CBFA2T3: variants seen among roughly 807,000 people sequenced by gnomAD.
The protein encoded by CBFA2T3 is transcriptional corepressor CBFA2T3.
A neutral mutation model predicts 58.6 loss-of-function variants in CBFA2T3; 31 were observed. The ratio of observed to expected loss-of-function variants is 0.53; its 90% CI spans 0.40 to 0.71. CBFA2T3 has a LOEUF of 0.71. CBFA2T3 is among the 30% of genes least tolerant of loss of function. CBFA2T3 has a pLI of 0.00. For synonymous variants in CBFA2T3, 531 were observed against 421.9 expected (o/e 1.26, Z -3.17); for missense variants, 1,076 against 963.1 (o/e 1.12, Z -1.55).
At chr16:88,951,635 G>A (rs938359539) in intron 1 of CBFA2T3, 18 of 360,042 alleles carry the variant, frequency 5.0e-5, no homozygotes, top group African/African-American at 3.8e-4. Context: ...ACGGCCCCAG[G>A]GTGGGCACAG....
At chr16:88,878,453 C>A (rs1396161848) in intron 11 of CBFA2T3, among the ~76,000 whole-genome samples, 1 of 152,266 alleles carries the variant, frequency 6.6e-6, no homozygotes, top group Non-Finnish European at 1.5e-5. Context: ...TGGAAAGGGT[C>A]TCTCCCTGTC....
At chr16:88,960,047 AAAAT>A (rs935130879) in intron 1 of CBFA2T3, among the ~76,000 whole-genome samples, 2 of 149,668 alleles carry the variant, frequency 1.3e-5, no homozygotes, top group South Asian at 2.1e-4. Flanking sequence ...ATAATAAATT[AAAAT>A]AAATAAATAA....
intron 1 of CBFA2T3, among the ~76,000 whole-genome samples, chr16:88,909,229 G>A (rs1970441496): frequency 6.6e-6 from 1 of 152,368 alleles, no homozygotes; most frequent in East Asian, 1.9e-4. Context: ...AGGGCTCGGA[G>A]ATGCTCAGGA....
chr16:88,958,530 A>T lies in CBFA2T3; in HGVS notation c.151+18127T>A, dbSNP rs1355465145. Among the ~76,000 whole-genome samples, 1 of 152,172 alleles carries T rather than the reference A, an allele frequency of 6.6e-6. No homozygotes were observed. The highest frequency in any genetic ancestry group is 1.9e-4 in the East Asian group (1 of 5,192). ...TGAGTGCCCCACATCCCTGGGCATC[A>T]CACGCGTGTCGTCTGGAGCAGAAGC... On this transcript the variant is annotated intron_variant, in intron 1 of 11. Coordinates refer to ENST00000268679, the MANE Select transcript of CBFA2T3 (RefSeq NM_005187.6). The surrounding 1 kb of genome is among the most constrained non-coding windows in gnomAD (Gnocchi z 4.0).
intron 1 of CBFA2T3, among the ~76,000 whole-genome samples, chr16:88,928,805 GGATGGCCACT>G (rs1300660172): frequency 6.6e-6 from 1 of 152,254 alleles, no homozygotes; most frequent in Non-Finnish European, 1.5e-5. Context: ...GTGGGTGACT[GGATGGCCACT>G]GAAAAGGTGC....
At chr16:88,895,503 G>T (rs1277329373) in intron 3 of CBFA2T3, among the ~76,000 whole-genome samples, 1 of 152,190 alleles carries the variant, frequency 6.6e-6, no homozygotes, top group Non-Finnish European at 1.5e-5. Flanking sequence ...GGGCAGCCCG[G>T]CTCCCCCAGA....
intron 5 of CBFA2T3, among the ~76,000 whole-genome samples, chr16:88,888,589 GGGGTGGGGTGGGT>G (rs1184264439): frequency 1.6e-4 from 7 of 43,520 alleles, no homozygotes; most frequent in African/African-American, 7.8e-4. Flanking sequence ...GGGGTGGGGT[GGGGTGGGGTGGGT>G]GGGAGGGGTG....
At chr16:88,973,646 G>T (rs988550888) in intron 1 of CBFA2T3, among the ~76,000 whole-genome samples, 6 of 152,124 alleles carry the variant, frequency 3.9e-5, no homozygotes, top group Non-Finnish European at 8.8e-5. Context: ...GACCCAGGAC[G>T]TTCCAGACCC....
At chr16:88,893,195 G>A (rs936132608) in intron 3 of CBFA2T3, among the ~76,000 whole-genome samples, 1 of 148,788 alleles carries the variant, frequency 6.7e-6, no homozygotes, top group Non-Finnish European at 1.5e-5. Context: ...CCCACAACAG[G>A]TGCCTCCCAG....
intron 1 of CBFA2T3, among the ~76,000 whole-genome samples, chr16:88,961,943 C>T (rs1972371439): frequency 6.7e-6 from 1 of 149,264 alleles, no homozygotes; most frequent in African/African-American, 2.5e-5. Context: ...TAGTAACCGA[C>T]ACTCAGCGCT....
chr16:88,903,636 C>T (rs1225373108), intron 1 of CBFA2T3, among the ~76,000 whole-genome samples: 2 of 130,770 alleles, frequency 1.5e-5, no homozygotes, highest in East Asian at 2.3e-4. Context: ...GCAGGGTGTT[C>T]CTGTGGTGGG....
intron 1 of CBFA2T3, among the ~76,000 whole-genome samples, chr16:88,963,848 C>T (rs763748097): frequency 6.6e-6 from 1 of 152,224 alleles, no homozygotes; most frequent in Non-Finnish European, 1.5e-5. Context: ...GGTCCGTGCA[C>T]GTCTGAGGCA....
intron 1 of CBFA2T3, among the ~76,000 whole-genome samples, chr16:88,917,423 G>A (rs3826060): frequency 0.062 from 9,446 of 152,256 alleles, 763 homozygotes; most frequent in African/African-American, 0.18. Flanking sequence ...CCCTGGGAAC[G>A]GGACCCTCCC....
intron 1 of CBFA2T3, among the ~76,000 whole-genome samples, chr16:88,905,985 G>C (rs1336957355): frequency 6.6e-6 from 1 of 151,046 alleles, no homozygotes; most frequent in Admixed American, 6.6e-5. Flanking sequence ...CTGCCGGCCT[G>C]GCTTCCTCGG....
chr16:88,971,496 A>G (rs977859483), intron 1 of CBFA2T3, among the ~76,000 whole-genome samples: 3 of 151,788 alleles, frequency 2.0e-5, no homozygotes, highest in Admixed American at 6.6e-5. Context: ...GAGCTGGGAG[A>G]GGAAGCCCCT....
chr16:88,929,243 A>G (rs1015150794), intron 1 of CBFA2T3, among the ~76,000 whole-genome samples: 4 of 151,448 alleles, frequency 2.6e-5, no homozygotes, highest in Admixed American at 2.0e-4. Context: ...TGTGCAAACA[A>G]CCCAGGGCGC....
At position 88,877,064 on chromosome 16, in the gene CBFA2T3, G is replaced by A. The variant is rs1196558120; in HGVS notation, c.1874C>T (p.Ala625Val). The A allele has an allele frequency of 6.6e-7, 1 of 1,526,266 alleles. No individual in the cohort carries two copies. The highest frequency in any genetic ancestry group is 8.8e-7 in the Non-Finnish European group (1 of 1,134,770). 94.5% of individuals were successfully genotyped at this position (1,526,266 alleles called of 1,614,324 possible). Residue 625 changes from alanine to valine, a missense_variant, in exon 12 of 12, where the codon GCT (alanine) becomes GTT (valine). Coordinates refer to ENST00000268679, the MANE Select transcript of CBFA2T3 (RefSeq NM_005187.6). ...AGAGCCGGCTTCGCTGGGGCTGGCA[G>A]CACCCACAGGCAGGGAGGGGCCCAG... ...HSLGPSLPVG[A>V]ASPSEAGSAG...
At chr16:88,898,510 A>G (rs1298877942) in intron 2 of CBFA2T3, among the ~76,000 whole-genome samples, 1 of 152,224 alleles carries the variant, frequency 6.6e-6, no homozygotes, top group Non-Finnish European at 1.5e-5. Context: ...CCGTTCTGGC[A>G]GCACTGTTCC....
intron 1 of CBFA2T3, among the ~76,000 whole-genome samples, chr16:88,931,362 T>C (rs1176825368): frequency 6.6e-6 from 1 of 152,090 alleles, no homozygotes; most frequent in African/African-American, 2.4e-5. Flanking sequence ...AGCGACCTTC[T>C]TGCTGCAAAC....
Sources: gnomAD v4.1 joint callset for allele counts (sites outside exome capture counted in the v4.1 genomes callset) on GRCh38, gnomAD v4.1.1 for gene constraint, Gnocchi (gnomAD v3.1) non-coding constraint, MANE v1.5 for transcripts, NCBI Gene and HGNC (gene_info 2026-07-23, HGNC 2026-07-21) for gene names.